Variants in CAPN5 observed in about 807,000 individuals in gnomAD.
The protein encoded by CAPN5 is calpain-5.
CAPN5 carries 54 observed loss-of-function variants against 73.0 expected under a neutral mutation model. That is an observed-to-expected ratio of 0.74 (90% CI 0.59 to 0.93). The LOEUF is 0.93. Ranked by LOEUF, CAPN5 falls within the 40% of genes least tolerant of loss-of-function variation. The probability of loss-of-function intolerance (pLI) is 0.00; values close to 1 mark genes in which losing one functional copy is unlikely to be tolerated. For missense variants in CAPN5, 785 were observed against 882.9 expected, an observed-to-expected ratio of 0.89 and a Z score of 1.41; for synonymous variants, 335 against 356.9, an observed-to-expected ratio of 0.94 and a Z score of 0.69.
At chr11:77,112,304 C>T (rs1007790479) in intron 3 of CAPN5, among the ~76,000 whole-genome samples, 5 of 151,690 alleles carry the variant, frequency 3.3e-5, no homozygotes, top group East Asian at 1.9e-4. Flanking sequence ...ACGGAAGTCT[C>T]GGGGAAGGTT....
At position 77,123,730 on chromosome 11, in the gene CAPN5, GTGCACCTAAAGGCTGAC is replaced by G; in HGVS notation, c.1784_1800del (p.Val595AlafsTer17). 6.2e-7 allele frequency: 1 copy of G among 1,613,732 alleles called. No homozygotes were observed. Among genetic ancestry groups the G allele is most frequent in the Non-Finnish European group, 8.5e-7 (1 of 1,179,932 alleles). The stretch of plus-strand genomic sequence containing the variant: ...GCTGAAGGATGAATTTCTGGGCCAG[GTGCACCTAAAGGCTGAC>G]CCGGACAACCTCCAGGCCCTGCATA... On this transcript the variant is annotated frameshift_variant, in exon 13 of 13. Coordinates refer to ENST00000648180, the MANE Select transcript of CAPN5 (RefSeq NM_004055.5). LOFTEE classifies it high-confidence loss of function.
intron 3 of CAPN5, among the ~76,000 whole-genome samples, chr11:77,108,324 T>TG (rs1212673750): frequency 2.0e-5 from 3 of 151,966 alleles, no homozygotes; most frequent in African/African-American, 7.3e-5. Flanking sequence ...GCCTGACTGT[T>TG]GGGGGGGTGC....
At chr11:77,113,290 C>T (rs1336704423) in intron 4 of CAPN5, among the ~76,000 whole-genome samples, 1 of 152,252 alleles carries the variant, frequency 6.6e-6, no homozygotes, top group Non-Finnish European at 1.5e-5. Flanking sequence ...CCTCCTTCTG[C>T]TCCGTGCCTT....
At chr11:77,071,389 C>A (rs1049693103) in intron 1 of CAPN5, among the ~76,000 whole-genome samples, 2 of 152,224 alleles carry the variant, frequency 1.3e-5, no homozygotes, top group Non-Finnish European at 2.9e-5. Context: ...GCGTGCTGGG[C>A]CTTTCAGGGT....
At chr11:77,095,550 C>T (rs989220356) in intron 3 of CAPN5, among the ~76,000 whole-genome samples, 4 of 152,210 alleles carry the variant, frequency 2.6e-5, no homozygotes, top group Non-Finnish European at 4.4e-5. Flanking sequence ...GTTTTGGGAA[C>T]AGAGCTCCTT....
Position 77,112,570 on chromosome 11 carries a change from C to A in CAPN5, c.298-19C>A. The A allele has an allele frequency of 1.3e-6, 2 of 1,573,182 alleles. No individual in the cohort carries two copies. Among genetic ancestry groups the A allele is most frequent in the Non-Finnish European group, 1.7e-6 (2 of 1,145,458 alleles). On this transcript the variant is annotated intron_variant, in intron 3 of 12. Transcript: ENST00000648180. ...CCCTCACTGTGTTCCCCCATCCTAT[C>A]CCCCCTCCCCCTACCCAGGTCATCC...
chr11:77,114,556 G>C lies in CAPN5; in HGVS notation c.699+122G>C, dbSNP rs983748630. The stretch of plus-strand genomic sequence containing the variant: ...TACGTATTCAGACCCTCAGCCTCGT[G>C]GGGGAGGGGAGAAGTTGGAAGGTGC... On this transcript the variant is annotated intron_variant, in intron 5 of 12. Transcript: ENST00000648180. 26 of 901,558 alleles carry C rather than the reference G, an allele frequency of 2.9e-5. No individual in the cohort carries two copies. The Admixed American group carries it at 4.4e-4, about 15-fold the overall frequency. 55.8% of individuals were successfully genotyped at this position (901,558 alleles called of 1,614,324 possible).
In CAPN5 at chr11:77,124,884, C is replaced by T. The variant is rs75771005; in HGVS notation, c.*1014C>T. ...AGGGAGCCCCATCACCTGACCACAG[C>T]CCCCCACCAACATTCCCCCAAAATG... On this transcript the variant is annotated 3_prime_UTR_variant, in exon 13 of 13. Coordinates refer to ENST00000648180, the MANE Select transcript of CAPN5 (RefSeq NM_004055.5). 9.6e-3 allele frequency: 1,476 copies of T among 153,030 alleles called. 23 individuals are homozygous for T. Among genetic ancestry groups the T allele is most frequent in the African/African-American group, 0.034 (1,412 of 41,588 alleles). The allele number at this position is 153,030 out of a possible 1,614,324, so 9.5% of individuals were successfully genotyped here.
At chr11:77,071,844 A>C (rs966161452) in intron 1 of CAPN5, among the ~76,000 whole-genome samples, 4 of 152,164 alleles carry the variant, frequency 2.6e-5, no homozygotes, top group Non-Finnish European at 5.9e-5. Context: ...GCCCAGAGAC[A>C]TGGTCTGCCA....
At chr11:77,118,886 C>T in intron 8 of CAPN5, 144 bp from the exon 9 acceptor site, 2 of 876,364 alleles carry the variant, frequency 2.3e-6, no homozygotes, top group Non-Finnish European at 3.5e-6. Context: ...CATTGGTAGG[C>T]CCACCTCACA....
Position 77,103,433 on chromosome 11 carries a change from G to C in CAPN5, c.298-9156G>C, listed in dbSNP as rs544672710. ...TTGGGGCCATTATTCTCGCTGCTCA[G>C]CCTGTCCTCTGCTTGCCCAGAGGCC... On this transcript the variant is annotated intron_variant, in intron 3 of 12. Transcript: ENST00000648180. 69 of 1,416,726 alleles carry C rather than the reference G, an allele frequency of 4.9e-5. No homozygotes were observed. In the African/African-American group the frequency reaches 9.7e-4, roughly 20 times the overall value. The allele number at this position is 1,416,726 out of a possible 1,614,324, so 87.8% of individuals were successfully genotyped here.
At chr11:77,106,654 C>T (rs1400736277) in intron 3 of CAPN5, among the ~76,000 whole-genome samples, 2 of 152,216 alleles carry the variant, frequency 1.3e-5, no homozygotes, top group Admixed American at 6.5e-5. Context: ...ACCAAGTGCT[C>T]GAGCTTCCCG....
intron 1 of CAPN5, among the ~76,000 whole-genome samples, chr11:77,077,779 T>A (rs1591111399): frequency 6.6e-6 from 1 of 152,194 alleles, no homozygotes; most frequent in East Asian, 1.9e-4. Flanking sequence ...CCTCCCAAAG[T>A]GCTGGGATTA....
At chr11:77,070,872 T>C (rs1316498248) in intron 1 of CAPN5, among the ~76,000 whole-genome samples, 1 of 152,134 alleles carries the variant, frequency 6.6e-6, no homozygotes, top group Non-Finnish European at 1.5e-5. Flanking sequence ...TTCTGTCTCA[T>C]TGCTCTTTCC....
intron 3 of CAPN5, chr11:77,102,725 G>A: frequency 8.1e-7 from 1 of 1,242,042 alleles, no homozygotes; most frequent in Middle Eastern, 2.8e-4. Flanking sequence ...CAAAGGGAGG[G>A]GAAGAGGGAA....
At chr11:77,072,611 C>G (rs1949920564) in intron 1 of CAPN5, among the ~76,000 whole-genome samples, 1 of 152,238 alleles carries the variant, frequency 6.6e-6, no homozygotes, top group African/African-American at 2.4e-5. Context: ...TGAATGTCCT[C>G]TTTCCCCTCA....
chr11:77,123,357 TA>T (rs1950542395), intron 12 of CAPN5, among the ~76,000 whole-genome samples: 1 of 152,148 alleles, frequency 6.6e-6, no homozygotes, highest in African/African-American at 2.4e-5. Flanking sequence ...GAAAGACCCC[TA>T]GGGGCAGCTG....
Position 77,114,296 on chromosome 11 carries a change from G to A in CAPN5, c.561G>A (p.Val187=), listed in dbSNP as rs1555041291. Residue 187 remains valine, a synonymous_variant, in exon 5 of 13, where the codon GTG becomes GTA. Coordinates refer to ENST00000648180, the MANE Select transcript of CAPN5 (RefSeq NM_004055.5). ...LDGGNTADAL[V]DFTGGVSEPI... ...GAGGCAACACAGCAGACGCACTGGT[G>A]GACTTCACGGGTGGTGTTTCTGAGC... 1 of 1,614,070 alleles carries A rather than the reference G, an allele frequency of 6.2e-7. No homozygotes were observed. The highest frequency in any genetic ancestry group is 1.6e-4 in the Middle Eastern group (1 of 6,084).
At chr11:77,074,951 C>T (rs1010398094) in intron 1 of CAPN5, among the ~76,000 whole-genome samples, 3 of 152,236 alleles carry the variant, frequency 2.0e-5, no homozygotes, top group Admixed American at 6.5e-5. Flanking sequence ...CGCATCCACA[C>T]GTGAGACTGC....
Sources: gnomAD v4.1 joint callset for allele counts (sites outside exome capture counted in the v4.1 genomes callset) on GRCh38, gnomAD v4.1.1 for gene constraint, MANE v1.5 for transcripts, NCBI Gene and HGNC (gene_info 2026-07-23, HGNC 2026-07-21) for gene names.